Variants in NFASC observed in about 807,000 individuals in gnomAD.
NFASC encodes the protein neurofascin homolog.
Under a neutral mutation model 147.5 loss-of-function variants are expected in NFASC, and 43 were observed. The ratio of observed to expected loss-of-function variants is 0.29; its 90% CI spans 0.23 to 0.38. The LOEUF (loss-of-function observed/expected upper bound fraction) is 0.38, where lower values mean the gene tolerates loss of function less well. Among genes scored for constraint, NFASC ranks in the 10% least tolerant of loss-of-function variants. The probability of loss-of-function intolerance (pLI) is 1.00; values close to 1 mark genes in which losing one functional copy is unlikely to be tolerated. For missense variants in NFASC, 1,320 were observed against 1,689.0 expected (o/e 0.78, Z 3.83); for synonymous variants, 622 against 665.5 (o/e 0.93, Z 1.01).
chr1:204,913,287 AAT>A (rs1161107212), intron 1 of NFASC, among the ~76,000 whole-genome samples: 29 of 152,218 alleles, frequency 1.9e-4, no homozygotes, highest in Non-Finnish European at 1.0e-4. Context: ...TTATAATTTT[AAT>A]ATGACTCCAA....
At chr1:204,843,263 C>A (rs1242777800) in intron 1 of NFASC, among the ~76,000 whole-genome samples, 1 of 152,152 alleles carries the variant, frequency 6.6e-6, no homozygotes, top group East Asian at 1.9e-4. Context: ...AGATATTGTG[C>A]TTGCTGGGAC....
chr1:204,974,130 T>A lies in NFASC; in HGVS notation c.1280-49T>A, dbSNP rs560021796. On this transcript the variant is annotated intron_variant, in intron 12 of 29. Transcript: ENST00000339876. ...AGAGGTGAGACCGAGGGGGAAGAGA[T>A]GGAAGAGTTTAGACTTGGCACTCGA... 17 of 1,465,678 alleles carry A rather than the reference T, an allele frequency of 1.2e-5. No individual in the cohort carries two copies. The South Asian group carries it at 1.8e-4, about 15-fold the overall frequency. 90.8% of individuals were successfully genotyped at this position (1,465,678 alleles called of 1,614,324 possible).
intron 28 of NFASC, 172 bp downstream of exon 28, chr1:205,009,860 T>C: frequency 4.1e-6 from 3 of 730,148 alleles, no homozygotes; most frequent in South Asian, 3.5e-5. Context: ...AGCGAGCACT[T>C]GAGTTAATTA....
intron 2 of NFASC, among the ~76,000 whole-genome samples, chr1:204,929,077 C>A (rs1327093510): frequency 6.6e-6 from 1 of 152,122 alleles, no homozygotes; most frequent in Non-Finnish European, 1.5e-5. Flanking sequence ...GTTTTTCAGC[C>A]AAATCCCTAA....
At chr1:204,857,743 A>G (rs1223235123) in intron 1 of NFASC, among the ~76,000 whole-genome samples, 1 of 152,062 alleles carries the variant, frequency 6.6e-6, no homozygotes, top group Non-Finnish European at 1.5e-5. Context: ...GGTGGCTTCA[A>G]CAACAGAAAC....
chr1:204,931,336 A>G (rs1281726356), intron 2 of NFASC, among the ~76,000 whole-genome samples: 2 of 152,076 alleles, frequency 1.3e-5, no homozygotes, highest in East Asian at 1.9e-4. Context: ...ATTTCCTCCT[A>G]TTTCAGCTCC....
intron 1 of NFASC, among the ~76,000 whole-genome samples, chr1:204,861,239 C>T (rs2102848226): frequency 6.6e-6 from 1 of 151,958 alleles, no homozygotes; most frequent in African/African-American, 2.4e-5. Flanking sequence ...CAGGCATGCA[C>T]CACCACACCC....
intron 1 of NFASC, among the ~76,000 whole-genome samples, chr1:204,863,797 A>G (rs2076874304): frequency 6.6e-6 from 1 of 151,072 alleles, no homozygotes; most frequent in African/African-American, 2.4e-5. Context: ...GCAGTGAGCC[A>G]AGATCGCGCC....
chr1:204,919,724 G>T (rs1274789932), intron 1 of NFASC, among the ~76,000 whole-genome samples: 1 of 152,024 alleles, frequency 6.6e-6, no homozygotes, highest in Non-Finnish European at 1.5e-5. Flanking sequence ...TGCCTCCCGG[G>T]TTCAAGCCAT....
chr1:204,841,387 A>C (rs1302927374), intron 1 of NFASC, among the ~76,000 whole-genome samples: 1 of 152,218 alleles, frequency 6.6e-6, no homozygotes, highest in Non-Finnish European at 1.5e-5. Context: ...TTGTTTGAGA[A>C]GCCTCCTTGT....
At chr1:204,855,901 A>G (rs2076111494) in intron 1 of NFASC, among the ~76,000 whole-genome samples, 1 of 152,228 alleles carries the variant, frequency 6.6e-6, no homozygotes, top group African/African-American at 2.4e-5. Flanking sequence ...AGGGAGGAGA[A>G]GCACAAGAGA....
intron 2 of NFASC, among the ~76,000 whole-genome samples, chr1:204,925,734 G>A (rs2091377293): frequency 6.6e-6 from 1 of 152,136 alleles, no homozygotes; most frequent in Non-Finnish European, 1.5e-5. Flanking sequence ...TAGGACTATG[G>A]TCTGTTGAAA....
chr1:204,996,092 A>C (rs2095841510), intron 24 of NFASC, among the ~76,000 whole-genome samples: 1 of 152,134 alleles, frequency 6.6e-6, no homozygotes, highest in Non-Finnish European at 1.5e-5. Context: ...GGGTAAGGAT[A>C]GGGCAGCCCT....
rs762297990 is a variant in NFASC, at chr1:205,009,673, G to A, written c.3406G>A (p.Gly1136Ser). The A allele has an allele frequency of 2.9e-5, 47 of 1,613,822 alleles. No homozygotes were observed. In the Admixed American group the frequency reaches 5.7e-4, roughly 19 times the overall value. Residue 1136 changes from glycine to serine, a missense_variant, in exon 28 of 30, where the codon GGC becomes AGC. This residue lies in a region of NFASC where 167 missense variants were observed against 233.8 expected (regional missense o/e 0.71). Transcript: ENST00000339876. ...CGTCTGTTTCATCAAGAGGAGTCGC[G>A]GCGGCAAGTACCCAGGTGAGATGTG... is the stretch of plus-strand genomic sequence containing the variant. ...LIVCFIKRSRGGKYPVREKKD... is the reference protein window; with the variant it reads ...LIVCFIKRSRSGKYPVREKKD...
chr1:204,936,974 A>T (rs900511290), intron 2 of NFASC, among the ~76,000 whole-genome samples: 2 of 152,222 alleles, frequency 1.3e-5, no homozygotes, highest in African/African-American at 4.8e-5. Context: ...TTCCTGCCAC[A>T]GGGCCTTTGC....
At chr1:204,887,181 C>G (rs1324909926) in intron 1 of NFASC, among the ~76,000 whole-genome samples, 1 of 152,188 alleles carries the variant, frequency 6.6e-6, no homozygotes, top group African/African-American at 2.4e-5. Flanking sequence ...CACCTGGGAA[C>G]CGTCATTCTG....
chr1:204,851,826 A>G (rs1352618211), intron 1 of NFASC, among the ~76,000 whole-genome samples: 1 of 152,240 alleles, frequency 6.6e-6, no homozygotes, highest in Non-Finnish European at 1.5e-5. Context: ...AAAATAATCA[A>G]CATTAACCAA....
intron 1 of NFASC, among the ~76,000 whole-genome samples, chr1:204,890,869 C>T (rs1390821454): frequency 2.0e-5 from 3 of 152,190 alleles, no homozygotes; most frequent in African/African-American, 7.2e-5. Context: ...CGCACCTGGC[C>T]AGGGAGGCAC....
chr1:204,984,052 TA>T (rs1372022755), intron 21 of NFASC: 1 of 1,614,012 alleles, frequency 6.2e-7, no homozygotes, highest in Admixed American at 1.7e-5. Context: ...CCACTGAAGT[TA>T]AAGTCCGAGT....
Sources: allele counts gnomAD v4.1 joint callset (sites outside exome capture counted in the v4.1 genomes callset), GRCh38; gene constraint gnomAD v4.1.1; regional missense constraint gnomAD v4.1.1; transcripts MANE v1.5; gene names NCBI Gene and HGNC (gene_info 2026-07-23, HGNC 2026-07-21).